TMEM67: variants seen among roughly 807,000 people sequenced by gnomAD.
TMEM67 encodes the protein transmembrane protein 67.
In TMEM67, 124 loss-of-function variants were observed where a neutral mutation model predicts 136.6. The ratio of observed to expected loss-of-function variants is 0.91; its 90% CI spans 0.78 to 1.05. TMEM67 has a LOEUF of 1.05. Ranked by LOEUF, TMEM67 falls within the 50% of genes least tolerant of loss-of-function variation. TMEM67 has a pLI of 0.00. For synonymous variants in TMEM67, 364 were observed against 390.5 expected (o/e 0.93, Z 0.80); for missense variants, 1,107 against 1,178.4 (o/e 0.94, Z 0.89).
At position 93,757,270 on chromosome 8, in the gene TMEM67, G is replaced by A. The variant is rs1436342771; in HGVS notation, c.313-1213G>A. On this transcript the variant is annotated intron_variant, in intron 2 of 27. Coordinates refer to ENST00000453321, the MANE Select transcript of TMEM67 (RefSeq NM_153704.6). ...TTACATCTGTGTTTGTAATTATTGT[G>A]TTTTTTGCCCCAGGCTTTTCCTAAA... The A allele has an allele frequency of 2.0e-5, 3 of 151,932 alleles. No individual in the cohort carries two copies. The East Asian group carries it at 5.8e-4, about 29-fold the overall frequency. The allele number at this position is 151,932 out of a possible 1,614,324, so 9.4% of individuals were successfully genotyped here.
chr8:93,755,062 GACA>G lies in TMEM67; in HGVS notation c.154_156del (p.Asn52del), dbSNP rs755801680. 3.1e-6 allele frequency: 5 copies of G among 1,614,042 alleles called. No homozygotes were observed. The highest frequency in any genetic ancestry group is 4.2e-6 in the Non-Finnish European group (5 of 1,180,054). ...CCCTTTCCAGCAGCCGGAGAAGTGCGACAACAACCAGTACTTTGATATCTCCGC... is the reference window on the plus strand; with the variant it reads ...CCCTTTCCAGCAGCCGGAGAAGTGCGACAACCAGTACTTTGATATCTCCGC... On this transcript the variant is annotated inframe_deletion, in exon 1 of 28. Transcript: ENST00000453321.
intron 16 of TMEM67, chr8:93,794,816 G>A (rs760739578): frequency 6.2e-6 from 1 of 160,678 alleles, no homozygotes; most frequent in African/African-American, 2.4e-5. Flanking sequence ...GACATAGTCT[G>A]TGCTCTCAGA....
In TMEM67 at chr8:93,810,126, G is replaced by C. The variant is rs551736248; in HGVS notation, c.2764+239G>C. ...TGGGACTACAGGCGCCCGCCATCAC[G>C]CCCAGCTAATTTTTTTTGTATTTTT... On this transcript the variant is annotated intron_variant, in intron 26 of 27. Transcript: ENST00000453321. Among the ~76,000 whole-genome samples the C allele has an allele frequency of 4.9e-3, 731 of 150,456 alleles. 8 individuals are homozygous for C. The highest frequency in any genetic ancestry group is 0.045 in the South Asian group (217 of 4,782).
intron 6 of TMEM67, among the ~76,000 whole-genome samples, chr8:93,767,786 CAACAAGA>C (rs1813141657): frequency 1.4e-5 from 2 of 146,962 alleles, no homozygotes; most frequent in South Asian, 4.3e-4. Context: ...CTTTATGGTA[CAACAAGA>C]TTTCTAGGCT....
intron 3 of TMEM67, among the ~76,000 whole-genome samples, chr8:93,761,585 A>G (rs1275411222): frequency 6.6e-6 from 1 of 152,248 alleles, no homozygotes; most frequent in Non-Finnish European, 1.5e-5. Context: ...ATAAGATTCT[A>G]TCAAGATGAG....
At chr8:93,788,050 GTTCTAAATAAACCT>G in intron 14 of TMEM67, 101 bp downstream of exon 14, 1 of 830,686 alleles carries the variant, frequency 1.2e-6, no homozygotes, top group Non-Finnish European at 2.0e-6. Flanking sequence ...TTTTTTTTAA[GTTCTAAATAAACCT>G]TTCTCTACAT....
chr8:93,779,750 G>A (rs1046718352), intron 7 of TMEM67, among the ~76,000 whole-genome samples: 3 of 152,192 alleles, frequency 2.0e-5, no homozygotes, highest in Admixed American at 6.5e-5. Context: ...TGGAAGCTTC[G>A]TCCCAGAGGG....
chr8:93,809,971 C>A, intron 26 of TMEM67, 84 bp downstream of exon 26: 14 of 588,696 alleles, frequency 2.4e-5, no homozygotes, highest in Non-Finnish European at 3.7e-5. Flanking sequence ...TTCTTTTTTT[C>A]TTTTTTTTTT....
intron 18 of TMEM67, among the ~76,000 whole-genome samples, chr8:93,796,425 C>T (rs1814620048): frequency 1.3e-5 from 2 of 152,196 alleles, no homozygotes; most frequent in Admixed American, 1.3e-4. Context: ...ATCCCCAACT[C>T]AGTGTTCTCC....
intron 14 of TMEM67, 177 bp from the exon 15 acceptor site, chr8:93,791,086 A>C (rs1311395197): frequency 1.8e-6 from 1 of 555,120 alleles, no homozygotes; most frequent in Non-Finnish European, 3.2e-6. Flanking sequence ...AAGCAGCACA[A>C]GTAATTCTCA....
Position 93,772,571 on chromosome 8 carries a change from G to A in TMEM67, c.652-18G>A, listed in dbSNP as rs1198930533. 6.2e-7 allele frequency: 1 copy of A among 1,600,780 alleles called. No individual in the cohort carries two copies. The highest frequency in any genetic ancestry group is 1.7e-5 in the Admixed American group (1 of 59,848). ...AGTCATTTGAACTTAAAAATAAAAT[G>A]TATCTTTTTGTTTACAGGGCATGTC... On this transcript the variant is annotated intron_variant, in intron 6 of 27. Coordinates refer to ENST00000453321, the MANE Select transcript of TMEM67 (RefSeq NM_153704.6).
rs774755725 is a variant in TMEM67, at chr8:93,755,132, C to G, written c.218C>G (p.Ala73Gly). 3.1e-6 allele frequency: 5 copies of G among 1,614,064 alleles called. No homozygotes were observed. ...VPCGANQRQD[A>G]RGTSCVCLPG... ...TGTGGAGCTAACCAGAGGCAAGATG[C>G]CCGAGGTAAGACGGTTTGCGGTGGG... The change falls in exon 1 of 28, where the codon GCC becomes GGC. Residue 73 changes from alanine (A) to glycine (G), a missense_variant. Coordinates refer to ENST00000453321, the MANE Select transcript of TMEM67 (RefSeq NM_153704.6).
chr8:93,799,193 T>C (rs901362569), intron 20 of TMEM67, among the ~76,000 whole-genome samples: 8 of 152,196 alleles, frequency 5.3e-5, no homozygotes, highest in African/African-American at 1.9e-4. Context: ...CAAGAACTTA[T>C]GTCCTTTAGA....
Position 93,816,513 on chromosome 8 carries a change from C to A in TMEM67, c.*61C>A. ...CATGGCCAAAAAAAAGTCATGATAT[C>A]AGGTTAGTTTGCCATATTTTTTAAA... On this transcript the variant is annotated 3_prime_UTR_variant, in exon 28 of 28. Transcript: ENST00000453321. The A allele has an allele frequency of 2.2e-6, 2 of 928,154 alleles. No individual in the cohort carries two copies. Among genetic ancestry groups the A allele is most frequent in the South Asian group, 2.9e-5 (2 of 69,880 alleles). 57.5% of individuals were successfully genotyped at this position (928,154 alleles called of 1,614,324 possible).
At chr8:93,814,610 G>T (rs982221358) in intron 26 of TMEM67, among the ~76,000 whole-genome samples, 4 of 151,324 alleles carry the variant, frequency 2.6e-5, no homozygotes, top group Non-Finnish European at 5.9e-5. Context: ...AAGACTACAG[G>T]TGTGCACCAG....
At chr8:93,794,714 A>G (rs1180954436) in intron 16 of TMEM67, 1 of 152,566 alleles carries the variant, frequency 6.6e-6, no homozygotes, top group Non-Finnish European at 1.5e-5. Context: ...AAGTGGGATT[A>G]TCTGTTCATT....
Position 93,816,696 on chromosome 8 carries a change from CA to C in TMEM67, c.*252del. ...AATAAATTAATACTGACAGTGAGGC[CA>C]AAAAAAATCTAAATGTTGCTTTCAG... is the stretch of plus-strand genomic sequence containing the variant. On this transcript the variant is annotated 3_prime_UTR_variant, in exon 28 of 28. Transcript: ENST00000453321. 90 of 273,010 alleles carry C rather than the reference CA, an allele frequency of 3.3e-4. No individual in the cohort carries two copies. Among genetic ancestry groups the C allele is most frequent in the Middle Eastern group, 1.2e-3 (1 of 862 alleles). 16.9% of individuals were successfully genotyped at this position (273,010 alleles called of 1,614,324 possible).
intron 14 of TMEM67, among the ~76,000 whole-genome samples, chr8:93,789,094 T>C (rs562820565): frequency 6.6e-6 from 1 of 152,380 alleles, no homozygotes; most frequent in South Asian, 2.1e-4. Flanking sequence ...AAGCATTTCT[T>C]ACCTCCAAAC....
At chr8:93,792,318 C>G (rs766352480) in intron 15 of TMEM67, among the ~76,000 whole-genome samples, 55 of 152,148 alleles carry the variant, frequency 3.6e-4, no homozygotes, top group Non-Finnish European at 6.8e-4. Flanking sequence ...ATTACGGGCA[C>G]ACACCACCAC....
Sources: allele counts gnomAD v4.1 joint callset (sites outside exome capture counted in the v4.1 genomes callset), GRCh38; gene constraint gnomAD v4.1.1; transcripts MANE v1.5; gene names NCBI Gene and HGNC (gene_info 2026-07-23, HGNC 2026-07-21).